Variants in TFAP2D observed in about 807,000 individuals in gnomAD.
TFAP2D encodes the protein transcription factor AP-2-delta.
TFAP2D carries 9 observed loss-of-function variants against 43.6 expected under a neutral mutation model. The observed-to-expected ratio is 0.21, with a 90% CI of 0.12 to 0.36. The LOEUF (loss-of-function observed/expected upper bound fraction) is 0.36, where lower values mean the gene tolerates loss of function less well. Ranked by LOEUF, TFAP2D falls within the 10% of genes least tolerant of loss-of-function variation. TFAP2D has a pLI of 1.00. For synonymous variants in TFAP2D, 256 were observed against 224.9 expected, an observed-to-expected ratio of 1.14 and a Z score of -1.24; for missense variants, 513 against 561.4, an observed-to-expected ratio of 0.91 and a Z score of 0.87.
intron 7 of TFAP2D, 61 bp downstream of exon 7, chr6:50,751,385 C>T: frequency 8.7e-7 from 1 of 1,154,980 alleles, no homozygotes; most frequent in South Asian, 1.3e-5. Flanking sequence ...GTATTCCTAT[C>T]ACAGTTCTAT....
chr6:50,751,981 T>A (rs1268611179), intron 7 of TFAP2D, among the ~76,000 whole-genome samples: 1 of 151,998 alleles, frequency 6.6e-6, no homozygotes, highest in Non-Finnish European at 1.5e-5. Flanking sequence ...GGTTCTGAAA[T>A]CTTTTAAATT....
chr6:50,725,629 T>A (rs1342496274), intron 3 of TFAP2D, among the ~76,000 whole-genome samples: 1 of 152,242 alleles, frequency 6.6e-6, no homozygotes, highest in South Asian at 2.1e-4. Flanking sequence ...GGATGACTAC[T>A]GTAAATGGCT....
intron 7 of TFAP2D, among the ~76,000 whole-genome samples, chr6:50,751,914 T>TACAAAA (rs1769206343): frequency 6.6e-6 from 1 of 151,962 alleles, no homozygotes; most frequent in South Asian, 2.1e-4. Flanking sequence ...TAGGAAATCA[T>TACAAAA]TACTTTACAA....
intron 7 of TFAP2D, among the ~76,000 whole-genome samples, chr6:50,754,800 C>T (rs971251411): frequency 6.6e-6 from 1 of 151,868 alleles, no homozygotes; most frequent in African/African-American, 2.4e-5. Context: ...AAGTTCTTTG[C>T]CCACTTTTTG....
At chr6:50,731,385 G>C (rs908911374) in intron 5 of TFAP2D, among the ~76,000 whole-genome samples, 1 of 151,790 alleles carries the variant, frequency 6.6e-6, no homozygotes, top group African/African-American at 2.4e-5. Flanking sequence ...AACAGATTTA[G>C]AGTCAAAGAG....
chr6:50,716,992 T>G (rs1768638250), intron 2 of TFAP2D, among the ~76,000 whole-genome samples: 1 of 152,214 alleles, frequency 6.6e-6, no homozygotes, highest in African/African-American at 2.4e-5. Context: ...CTTTCTACAT[T>G]TATATTCACA....
At chr6:50,716,049 C>A (rs1768623271) in intron 2 of TFAP2D, among the ~76,000 whole-genome samples, 1 of 152,132 alleles carries the variant, frequency 6.6e-6, no homozygotes, top group Admixed American at 6.5e-5. Flanking sequence ...AATCTCCGCA[C>A]TTTACAGGGT....
At position 50,719,145 on chromosome 6, in the gene TFAP2D, G is replaced by A; in HGVS notation, c.593G>A (p.Arg198Lys). The A allele has an allele frequency of 6.2e-7, 1 of 1,613,944 alleles. No individual in the cohort carries two copies. Among genetic ancestry groups the A allele is most frequent in the Non-Finnish European group, 8.5e-7 (1 of 1,179,860 alleles). Reference sequence around the variant, plus strand: ...CTCAATGGCCAAGGTGGAGTGATAAGAAGAGGTAAGTAACAAGTAACAACA... The same window carrying A: ...CTCAATGGCCAAGGTGGAGTGATAAAAAGAGGTAAGTAACAAGTAACAACA... ...LVLNGQGGVI[R>K]RGGTCVVNPT... The change falls in exon 3 of 8, where the codon AGA becomes AAA. Residue 198 changes from arginine (R) to lysine (K), a missense_variant. Around this residue, in one of 3 missense-constraint regions of TFAP2D, gnomAD observed 311 missense variants for 316.2 expected, o/e 0.98. Coordinates refer to ENST00000008391, the MANE Select transcript of TFAP2D (RefSeq NM_172238.4).
intron 6 of TFAP2D, among the ~76,000 whole-genome samples, chr6:50,750,789 C>T (rs1769190145): frequency 6.6e-6 from 1 of 151,910 alleles, no homozygotes; most frequent in African/African-American, 2.4e-5. Flanking sequence ...AAGGATTTTC[C>T]AAAGTCTGTT....
At chr6:50,732,314 A>G (rs1768906080) in intron 5 of TFAP2D, among the ~76,000 whole-genome samples, 1 of 152,060 alleles carries the variant, frequency 6.6e-6, no homozygotes, top group Non-Finnish European at 1.5e-5. Context: ...TTTAATTACC[A>G]ACAGTTAGTA....
intron 3 of TFAP2D, among the ~76,000 whole-genome samples, chr6:50,723,544 A>G (rs1768762719): frequency 6.6e-6 from 1 of 152,212 alleles, no homozygotes; most frequent in African/African-American, 2.4e-5. Flanking sequence ...TTATGGGTGA[A>G]GATAGAGCCA....
intron 5 of TFAP2D, among the ~76,000 whole-genome samples, chr6:50,730,073 G>A (rs1192163875): frequency 6.6e-6 from 1 of 151,906 alleles, no homozygotes. Context: ...GAATGCTATT[G>A]TTTAAAATAT....
intron 3 of TFAP2D, among the ~76,000 whole-genome samples, chr6:50,719,672 G>A (rs977020108): frequency 6.6e-6 from 1 of 152,296 alleles, no homozygotes; most frequent in Admixed American, 6.5e-5. Flanking sequence ...CTTCAGGGGA[G>A]GCTAATGAAA....
chr6:50,726,812 T>TTTCCATTCC (rs1194374440), intron 3 of TFAP2D, among the ~76,000 whole-genome samples: 2 of 152,166 alleles, frequency 1.3e-5, no homozygotes, highest in African/African-American at 4.8e-5. Context: ...ATGGTAGTCT[T>TTTCCATTCC]AGGTCCAGGA....
chr6:50,716,351 C>T (rs977701653), intron 2 of TFAP2D, among the ~76,000 whole-genome samples: 3 of 151,944 alleles, frequency 2.0e-5, no homozygotes, highest in African/African-American at 4.8e-5. Flanking sequence ...TATTTTTGCT[C>T]TTCCAGCCAT....
At position 50,744,310 on chromosome 6, in the gene TFAP2D, G is replaced by C. The variant is rs547487685; in HGVS notation, c.884-797G>C. Among the ~76,000 whole-genome samples, 34 of 152,204 alleles carry C rather than the reference G, an allele frequency of 2.2e-4. 1 individual carries two copies. In the South Asian group the frequency reaches 7.0e-3, roughly 32 times the overall value. On this transcript the variant is annotated intron_variant, in intron 5 of 7. Transcript: ENST00000008391. ...AAGAACATGCAGTATTCGGTTTTCT[G>C]TTCCTGTGGTAGTTTACTTAGGATA... is the stretch of plus-strand genomic sequence containing the variant.
chr6:50,728,508 T>G (rs982937473), intron 3 of TFAP2D, among the ~76,000 whole-genome samples: 1 of 152,210 alleles, frequency 6.6e-6, no homozygotes, highest in African/African-American at 2.4e-5. Flanking sequence ...TAATACCTAG[T>G]CTTTGTGAGC....
rs751436725 is a variant in TFAP2D, at chr6:50,751,205, T to C, written c.1026-6T>C. ...TTCAATTTTAAATTTGATTCTTTTA[T>C]TTTAGACAAATCTGTAAAGAATTCC... is the stretch of plus-strand genomic sequence containing the variant. On this transcript the variant is annotated splice_polypyrimidine_tract_variant and splice_region_variant and intron_variant, in intron 6 of 7. Transcript: ENST00000008391. 2 of 1,588,708 alleles carry C rather than the reference T, an allele frequency of 1.3e-6. No homozygotes were observed. Among genetic ancestry groups the C allele is most frequent in the South Asian group, 1.1e-5 (1 of 89,804 alleles).
At chr6:50,739,207 G>T (rs1010980355) in intron 5 of TFAP2D, among the ~76,000 whole-genome samples, 1 of 151,986 alleles carries the variant, frequency 6.6e-6, no homozygotes, top group Non-Finnish European at 1.5e-5. Flanking sequence ...ATCTCCTAAT[G>T]CTATCCCTCT....
Sources: gnomAD v4.1 joint callset for allele counts (sites outside exome capture counted in the v4.1 genomes callset) on GRCh38, gnomAD v4.1.1 for gene constraint, gnomAD v4.1.1 regional missense constraint, MANE v1.5 for transcripts, NCBI Gene and HGNC (gene_info 2026-07-23, HGNC 2026-07-21) for gene names.